NCS1: variants seen among roughly 807,000 people sequenced by gnomAD.
The protein encoded by NCS1 is neuronal calcium sensor 1.
NCS1 carries 6 observed loss-of-function variants against 28.4 expected under a neutral mutation model. The ratio of observed to expected loss-of-function variants is 0.21; its 90% confidence interval spans 0.12 to 0.42. The LOEUF (loss-of-function observed/expected upper bound fraction) is 0.42. NCS1 is among the 10% of genes least tolerant of loss of function. NCS1 has a pLI of 1.00. For synonymous variants in NCS1, 86 were observed against 99.3 expected (o/e 0.87, Z 0.79); for missense variants, 131 against 241.4 (o/e 0.54, Z 3.03).
At chr9:130,187,959 C>G (rs568421812) in intron 1 of NCS1, among the ~76,000 whole-genome samples, 9 of 152,158 alleles carry the variant, frequency 5.9e-5, no homozygotes, top group African/African-American at 1.9e-4. Context: ...AGGACTGAAG[C>G]AGGAATGTGG....
chr9:130,197,996 G>A (rs1465910729), intron 1 of NCS1, among the ~76,000 whole-genome samples: 1 of 149,520 alleles, frequency 6.7e-6, no homozygotes, highest in African/African-American at 2.5e-5. Context: ...GCCCTCCAAG[G>A]CCCCAGGCAG....
rs563571096 is a variant in NCS1 at position 130,226,882 on chromosome 9, G to A, written c.*17+378G>A. On this transcript the variant is annotated intron_variant, in intron 7 of 7. Coordinates refer to ENST00000372398, the MANE Select transcript of NCS1 (RefSeq NM_014286.4). The surrounding 1 kb of genome is among the most constrained non-coding windows in gnomAD (Gnocchi z 4.8). ...TCTACTAAAAATACAAAAATCAGGC[G>A]GGCGTGGTGGTGCGCACCTAGTCTC... Among the ~76,000 whole-genome samples, 2 of 151,948 alleles carry A rather than the reference G, an allele frequency of 1.3e-5. No individual in the cohort carries two copies. Among genetic ancestry groups the A allele is most frequent in the East Asian group, 3.9e-4 (2 of 5,150 alleles).
At chr9:130,208,717 G>A (rs571616044) in intron 2 of NCS1, among the ~76,000 whole-genome samples, 111 of 152,346 alleles carry the variant, frequency 7.3e-4, no homozygotes, top group African/African-American at 2.4e-3. Context: ...CAGAGTGGGC[G>A]CGGAGACAGC....
In NCS1 at chr9:130,219,722, C is replaced by T. The variant is rs1833248404; in HGVS notation, c.229-3C>T. ...TGAGGCAATCCCCTCTCTCTCCTGTCAGGACGGGCGAATTGAGTTCTCCGA... is the reference window on the plus strand; with the variant it reads ...TGAGGCAATCCCCTCTCTCTCCTGTTAGGACGGGCGAATTGAGTTCTCCGA... On this transcript the variant is annotated splice_region_variant and splice_polypyrimidine_tract_variant and intron_variant, in intron 3 of 7. Coordinates refer to ENST00000372398, the MANE Select transcript of NCS1 (RefSeq NM_014286.4). This position sits in a 1 kb window ranked among gnomAD's most constrained non-coding sequence, Gnocchi z 5.7. 1.2e-5 allele frequency: 19 copies of T among 1,614,214 alleles called. No individual in the cohort carries two copies. Among genetic ancestry groups the T allele is most frequent in the Non-Finnish European group, 1.5e-5 (18 of 1,180,016 alleles).
Position 130,215,317 on chromosome 9 carries a change from C to T in NCS1, c.90-2515C>T, listed in dbSNP as rs781988195. 5.9e-5 allele frequency among the ~76,000 whole-genome samples: 9 copies of T among 152,218 alleles called. No homozygotes were observed. The highest frequency in any genetic ancestry group is 1.9e-4 in the East Asian group (1 of 5,160). On this transcript the variant is annotated intron_variant, in intron 2 of 7. Coordinates refer to ENST00000372398, the MANE Select transcript of NCS1 (RefSeq NM_014286.4). This position sits in a 1 kb window ranked among gnomAD's most constrained non-coding sequence, Gnocchi z 4.2. ...GAGAAGGCAGGTTTAAGGGCCAGGA[C>T]GGGGGTGGCTGTGTCCCTTCCTCCT...
chr9:130,223,007 T>TG, intron 5 of NCS1, 75 bp from the exon 6 acceptor site: 3 of 1,274,034 alleles, frequency 2.4e-6, no homozygotes, highest in Non-Finnish European at 2.3e-6. Context: ...CTGCCAGGTC[T>TG]GGGGGGCAAA....
chr9:130,231,877 GAAA>G (rs71499227), intron 7 of NCS1, among the ~76,000 whole-genome samples: 2 of 135,724 alleles, frequency 1.5e-5, no homozygotes, highest in South Asian at 2.4e-4. Flanking sequence ...TATTTTCCAT[GAAA>G]AAAAAAAAAA....
At chr9:130,216,573 G>A (rs528374536) in intron 2 of NCS1, among the ~76,000 whole-genome samples, 1 of 152,218 alleles carries the variant, frequency 6.6e-6, no homozygotes, top group South Asian at 2.1e-4. Flanking sequence ...AAAATTAGCT[G>A]GGTGTGGTGG....
At position 130,191,882 on chromosome 9, in the gene NCS1, C is replaced by T. The variant is rs1024622002; in HGVS notation, c.65-9076C>T. 6.6e-6 allele frequency among the ~76,000 whole-genome samples: 1 copy of T among 152,196 alleles called. No homozygotes were observed. Among genetic ancestry groups the T allele is most frequent in the Non-Finnish European group, 1.5e-5 (1 of 68,036 alleles). The stretch of plus-strand genomic sequence containing the variant: ...TGGACCAGTCCTGGCTGGCACTCAG[C>T]GAACTGGGGTGGAGACAGTGACTGC... On this transcript the variant is annotated intron_variant, in intron 1 of 7. Transcript: ENST00000372398. This position sits in a 1 kb window ranked among gnomAD's most constrained non-coding sequence, Gnocchi z 6.4.
rs991386719 is a variant in NCS1, at chr9:130,186,791, G to A, written c.64+14064G>A. Among the ~76,000 whole-genome samples, 3 of 152,220 alleles carry A rather than the reference G, an allele frequency of 2.0e-5. No individual in the cohort carries two copies. Among genetic ancestry groups the A allele is most frequent in the African/African-American group, 7.2e-5 (3 of 41,466 alleles). On this transcript the variant is annotated intron_variant, in intron 1 of 7. Coordinates refer to ENST00000372398, the MANE Select transcript of NCS1 (RefSeq NM_014286.4). This position sits in a 1 kb window ranked among gnomAD's most constrained non-coding sequence, Gnocchi z 4.1. The stretch of plus-strand genomic sequence containing the variant: ...CAACTCTGGGGACATGAAATTGCAC[G>A]GTGACTGCAGCATAGAGGGCCTGTG...
At chr9:130,179,634 A>G (rs1832626931) in intron 1 of NCS1, among the ~76,000 whole-genome samples, 1 of 152,230 alleles carries the variant, frequency 6.6e-6, no homozygotes, top group African/African-American at 2.4e-5. Context: ...TTTTCAGCAA[A>G]AGTAGATGAG....
chr9:130,226,665 C>T lies in NCS1; in HGVS notation c.*17+161C>T, dbSNP rs1369046456. On this transcript the variant is annotated intron_variant, in intron 7 of 7. Coordinates refer to ENST00000372398, the MANE Select transcript of NCS1 (RefSeq NM_014286.4). This position sits in a 1 kb window ranked among gnomAD's most constrained non-coding sequence, Gnocchi z 4.8. The stretch of plus-strand genomic sequence containing the variant: ...GGGAGGAGGAGGCTGGAAGGGGGGC[C>T]TTCAAATTGGTCAGAGCTCCTCTGT... Among the ~76,000 whole-genome samples, 1 of 152,112 alleles carries T rather than the reference C, an allele frequency of 6.6e-6. No individual in the cohort carries two copies. The highest frequency in any genetic ancestry group is 1.5e-5 in the Non-Finnish European group (1 of 68,012).
intron 6 of NCS1, among the ~76,000 whole-genome samples, chr9:130,224,571 A>T (rs1398013042): frequency 2.3e-4 from 34 of 145,132 alleles, no homozygotes; most frequent in African/African-American, 7.3e-4. Context: ...GAAAAAAAAT[A>T]AAATAAAAGG....
intron 1 of NCS1, among the ~76,000 whole-genome samples, chr9:130,189,611 G>T (rs980055484): frequency 3.3e-5 from 5 of 152,082 alleles, no homozygotes; most frequent in Non-Finnish European, 7.3e-5. Flanking sequence ...AGAGGCCGAG[G>T]TGGGCGGATC....
intron 1 of NCS1, among the ~76,000 whole-genome samples, chr9:130,173,747 A>T (rs1832524524): frequency 6.6e-6 from 1 of 152,118 alleles, no homozygotes; most frequent in Non-Finnish European, 1.5e-5. Context: ...CCACCCCTGG[A>T]GGCAGCAGCT....
In NCS1 at chr9:130,172,692, C is replaced by A; in HGVS notation, c.29C>A (p.Pro10His). The A allele has an allele frequency of 6.6e-7, 1 of 1,517,144 alleles. No homozygotes were observed. The highest frequency in any genetic ancestry group is 2.7e-5 in the East Asian group (1 of 36,422). 94.0% of individuals were successfully genotyped at this position (1,517,144 alleles called of 1,614,324 possible). Residue 10 changes from proline to histidine, a missense_variant, in exon 1 of 8, where the codon CCC becomes CAC. Pro to His is a moderately conservative substitution (Grantham distance 77). Transcript: ENST00000372398. ...GGGAAATCCAACAGCAAGTTGAAGC[C>A]CGAAGTTGTGGAGGAGCTGACCAGG... MGKSNSKLKPEVVEELTRKT... is the reference protein window; with the variant it reads MGKSNSKLKHEVVEELTRKT...
rs1554911370 is a variant in NCS1 at position 130,226,356 on chromosome 9, C to T, written c.475-33C>T. 1 of 1,582,432 alleles carries T rather than the reference C, an allele frequency of 6.3e-7. No homozygotes were observed. Among genetic ancestry groups the T allele is most frequent in the South Asian group, 1.1e-5 (1 of 90,310 alleles). On this transcript the variant is annotated intron_variant, in intron 6 of 7. Coordinates refer to ENST00000372398, the MANE Select transcript of NCS1 (RefSeq NM_014286.4). This position sits in a 1 kb window ranked among gnomAD's most constrained non-coding sequence, Gnocchi z 4.8. ...TGTCTAGAGCCCTCTCCTGGGAGGC[C>T]CTGCACCCTCAGCCGCCTCTCTCTG... is the stretch of plus-strand genomic sequence containing the variant.
chr9:130,190,028 A>G (rs1034273371), intron 1 of NCS1, among the ~76,000 whole-genome samples: 1 of 73,980 alleles, frequency 1.4e-5, no homozygotes, highest in African/African-American at 5.3e-5. Context: ...TTGTATGTTT[A>G]TGCAAGAGAG....
At chr9:130,217,768 TTGG>T in intron 2 of NCS1, 61 bp from the exon 3 acceptor site, 1 of 1,609,942 alleles carries the variant, frequency 6.2e-7, no homozygotes, top group Non-Finnish European at 8.5e-7. Context: ...GCAGGCGATG[TTGG>T]TGGTGGGTGG....
Sources: gnomAD v4.1 joint callset for allele counts (sites outside exome capture counted in the v4.1 genomes callset) on GRCh38, gnomAD v4.1.1 for gene constraint, Gnocchi (gnomAD v3.1) non-coding constraint, MANE v1.5 for transcripts, NCBI Gene and HGNC (gene_info 2026-07-23, HGNC 2026-07-21) for gene names.